The following KIF26B variants were observed in gnomAD, a reference collection of about 807,000 sequenced individuals.
KIF26B encodes the protein kinesin-like protein KIF26B.
In KIF26B, 63 loss-of-function variants were observed where a neutral mutation model predicts 151.2. The ratio of observed to expected loss-of-function variants is 0.42; its 90% CI spans 0.34 to 0.51. The LOEUF is 0.51. Among genes scored for constraint, KIF26B ranks in the 20% least tolerant of loss-of-function variants. KIF26B has a pLI of 0.07. For missense variants in KIF26B, 2,813 were observed against 2,913.6 expected (o/e 0.97, Z 0.79); for synonymous variants, 1,357 against 1,262.1 (o/e 1.08, Z -1.59).
intron 2 of KIF26B, among the ~76,000 whole-genome samples, chr1:245,243,533 C>T (rs1354993665): frequency 6.6e-6 from 1 of 152,024 alleles, no homozygotes; most frequent in African/African-American, 2.4e-5. Flanking sequence ...ACGTGTTTCT[C>T]CTCCCAGTCT....
intron 2 of KIF26B, among the ~76,000 whole-genome samples, chr1:245,268,199 G>A (rs924050202): frequency 6.6e-6 from 1 of 152,054 alleles, no homozygotes; most frequent in African/African-American, 2.4e-5. Context: ...GCCTGGCGCG[G>A]TGGCTCATGC....
intron 9 of KIF26B, among the ~76,000 whole-genome samples, chr1:245,644,784 G>C (rs796362406): frequency 2.6e-5 from 4 of 152,252 alleles, no homozygotes; most frequent in African/African-American, 9.6e-5. Context: ...TAATTTCTGA[G>C]CCTTGAATAG....
Position 245,667,472 on chromosome 1 carries a change from C to A in KIF26B, c.2259-16761C>A, listed in dbSNP as rs113723522. Among the ~76,000 whole-genome samples the A allele has an allele frequency of 0.021, 3,258 of 152,198 alleles. 121 individuals are homozygous for A. The highest frequency in any genetic ancestry group is 0.074 in the African/African-American group (3,091 of 41,510). On this transcript the variant is annotated intron_variant, in intron 10 of 14. Transcript: ENST00000407071. This position sits in a 1 kb window ranked among gnomAD's most constrained non-coding sequence, Gnocchi z 4.3. The stretch of plus-strand genomic sequence containing the variant: ...GGGATTACAGGCGTGAGCCACCGTG[C>A]CTGGCCTGCTTTGGTTTTATTCTGA...
At chr1:245,390,953 C>CAAAAAAAAAACAAAAAAAAAAA (rs1491437625) in intron 3 of KIF26B, among the ~76,000 whole-genome samples, 1 of 48,812 alleles carries the variant, frequency 2.0e-5, no homozygotes, top group African/African-American at 7.1e-5. Flanking sequence ...AAAAAAAAAA[C>CAAAAAAAAAACAAAAAAAAAAA]CACCATAAAA....
intron 4 of KIF26B, among the ~76,000 whole-genome samples, chr1:245,528,512 C>G (rs545382395): frequency 6.6e-6 from 1 of 152,298 alleles, no homozygotes; most frequent in East Asian, 1.9e-4. Flanking sequence ...GAGCCCACCC[C>G]TCCAGGACAG....
chr1:245,226,357 C>T (rs374296231), intron 2 of KIF26B, among the ~76,000 whole-genome samples: 3 of 152,324 alleles, frequency 2.0e-5, no homozygotes, highest in Non-Finnish European at 1.5e-5. Flanking sequence ...AGAGACTGAA[C>T]GCTAAGTCTT....
chr1:245,404,355 G>T (rs1033838765), intron 3 of KIF26B, among the ~76,000 whole-genome samples: 7 of 152,054 alleles, frequency 4.6e-5, no homozygotes, highest in African/African-American at 1.7e-4. Context: ...GTAACAAAAG[G>T]GCAGATATGG....
intron 3 of KIF26B, among the ~76,000 whole-genome samples, chr1:245,376,344 G>A (rs904468686): frequency 6.6e-6 from 1 of 152,154 alleles, no homozygotes; most frequent in Admixed American, 6.5e-5. Context: ...GGATTCCGGA[G>A]CAGGGGAATG....
Position 245,687,938 on chromosome 1 carries a change from G to A in KIF26B, c.4955G>A (p.Ser1652Asn). 6.3e-7 allele frequency: 1 copy of A among 1,594,010 alleles called. No homozygotes were observed. Among genetic ancestry groups the A allele is most frequent in the Non-Finnish European group, 8.5e-7 (1 of 1,172,152 alleles). ...AAGACGAAGGACGCCAGCAGCAGCA[G>A]CAAGCTCTTCAGTGCCAAGCTGGAG... ...SGKTKDASSSSKLFSAKLEQL... is the reference protein window; with the variant it reads ...SGKTKDASSSNKLFSAKLEQL... Residue 1652 changes from serine (S) to asparagine (N), a missense_variant, in exon 12 of 15, where the codon AGC (serine) becomes AAC (asparagine). Coordinates refer to ENST00000407071, the MANE Select transcript of KIF26B (RefSeq NM_018012.4). The surrounding 1 kb of genome is among the most constrained non-coding windows in gnomAD (Gnocchi z 4.9).
At chr1:245,251,272 G>GT (rs1476952623) in intron 2 of KIF26B, among the ~76,000 whole-genome samples, 1 of 152,142 alleles carries the variant, frequency 6.6e-6, no homozygotes, top group African/African-American at 2.4e-5. Context: ...ACCAGTTCTA[G>GT]GAATGGTAGG....
chr1:245,229,123 T>A (rs1669938926), intron 2 of KIF26B, among the ~76,000 whole-genome samples: 1 of 151,990 alleles, frequency 6.6e-6, no homozygotes, highest in African/African-American at 2.4e-5. Flanking sequence ...CGTGCCACGA[T>A]ATCTGGCTAA....
chr1:245,612,261 C>G (rs757598887), intron 9 of KIF26B, among the ~76,000 whole-genome samples: 24 of 152,228 alleles, frequency 1.6e-4, no homozygotes, highest in Non-Finnish European at 2.6e-4. Context: ...CAGGCTCATG[C>G]CACCACACCT....
intron 10 of KIF26B, among the ~76,000 whole-genome samples, chr1:245,661,629 A>AAT (rs1030349886): frequency 2.0e-5 from 3 of 149,938 alleles, no homozygotes; most frequent in Non-Finnish European, 3.0e-5. Flanking sequence ...ACACACACCC[A>AAT]ATATATATAT....
Position 245,239,610 on chromosome 1 carries a change from T to A in KIF26B, c.465+82927T>A, listed in dbSNP as rs1331937362. Among the ~76,000 whole-genome samples the A allele has an allele frequency of 6.6e-6, 1 of 152,070 alleles. No individual in the cohort carries two copies. The highest frequency in any genetic ancestry group is 1.5e-5 in the Non-Finnish European group (1 of 68,012). ...CCTCTGCCTCCTAGGTTCAAGCAAT[T>A]CTTCTGCTTTGGCCTCCATAGTAGC... On this transcript the variant is annotated intron_variant, in intron 2 of 14. Transcript: ENST00000407071. This position sits in a 1 kb window ranked among gnomAD's most constrained non-coding sequence, Gnocchi z 4.3.
intron 4 of KIF26B, among the ~76,000 whole-genome samples, chr1:245,441,273 G>T (rs1182695882): frequency 6.6e-6 from 1 of 152,188 alleles, no homozygotes; most frequent in Non-Finnish European, 1.5e-5. Flanking sequence ...AAGTGAAGAT[G>T]CAGGAAGCCT....
intron 2 of KIF26B, among the ~76,000 whole-genome samples, chr1:245,216,938 C>T (rs1669658969): frequency 1.3e-5 from 2 of 152,214 alleles, no homozygotes; most frequent in South Asian, 4.1e-4. Context: ...GCTACTGCAT[C>T]TGTTAGAGAG....
chr1:245,221,557 C>A (rs905148317), intron 2 of KIF26B, among the ~76,000 whole-genome samples: 3 of 151,372 alleles, frequency 2.0e-5, no homozygotes, highest in African/African-American at 7.4e-5. Flanking sequence ...CAGGCCCCTA[C>A]CACCACGTCC....
intron 10 of KIF26B, among the ~76,000 whole-genome samples, chr1:245,672,668 T>C (rs1169293867): frequency 6.6e-6 from 1 of 152,100 alleles, no homozygotes; most frequent in African/African-American, 2.4e-5. Flanking sequence ...TAGTCTATTT[T>C]ATTTGGATAG....
At chr1:245,336,575 C>T (rs188326101) in intron 2 of KIF26B, among the ~76,000 whole-genome samples, 1 of 152,300 alleles carries the variant, frequency 6.6e-6, no homozygotes, top group East Asian at 1.9e-4. Flanking sequence ...TGGTTTGCTT[C>T]TCTGCAGGCT....
Sources: gnomAD v4.1 joint callset for allele counts (sites outside exome capture counted in the v4.1 genomes callset) on GRCh38, gnomAD v4.1.1 for gene constraint, Gnocchi (gnomAD v3.1) non-coding constraint, MANE v1.5 for transcripts, NCBI Gene and HGNC (gene_info 2026-07-23, HGNC 2026-07-21) for gene names.